The following ZNF35 variants were observed in gnomAD, a reference collection of about 807,000 sequenced individuals.
The protein encoded by ZNF35 is zinc finger protein 35 (clone HF.10).
A neutral mutation model predicts 45.9 loss-of-function variants in ZNF35; 31 were observed. The observed-to-expected ratio is 0.68, with a 90% CI of 0.51 to 0.91. The LOEUF (loss-of-function observed/expected upper bound fraction) is 0.91, where lower values mean the gene tolerates loss of function less well. ZNF35 is among the 40% of genes least tolerant of loss of function. The pLI is 0.00. For missense variants in ZNF35, 515 were observed against 625.4 expected, an observed-to-expected ratio of 0.82 and a Z score of 1.88; for synonymous variants, 205 against 220.2, an observed-to-expected ratio of 0.93 and a Z score of 0.61.
intron 2 of ZNF35, among the ~76,000 whole-genome samples, chr3:44,651,494 A>G (rs1378836571): frequency 6.6e-6 from 1 of 152,166 alleles, no homozygotes; most frequent in African/African-American, 2.4e-5. Flanking sequence ...AGAGCTTTTT[A>G]TAAAATCTTG....
chr3:44,650,891 G>T lies in ZNF35; in HGVS notation c.-127-50G>T. ...TGGCATCCGGCAAATTTGCTAAGTGGCATCCAGCAAATCTCTCCTTGGTGC... is the reference window on the plus strand; with the variant it reads ...TGGCATCCGGCAAATTTGCTAAGTGTCATCCAGCAAATCTCTCCTTGGTGC... On this transcript the variant is annotated intron_variant, in intron 1 of 3. Transcript: ENST00000396056. 6.6e-6 allele frequency: 4 copies of T among 603,826 alleles called. No individual in the cohort carries two copies. In the South Asian group the frequency reaches 1.0e-4, roughly 16 times the overall value. 37.4% of individuals were successfully genotyped at this position (603,826 alleles called of 1,614,324 possible).
intron 2 of ZNF35, among the ~76,000 whole-genome samples, chr3:44,651,832 C>CA (rs561807961): frequency 0.033 from 3,220 of 97,170 alleles, 47 homozygotes; most frequent in African/African-American, 0.059. Context: ...GACCCTGCCT[C>CA]AAAAAAAAAA....
rs143301932 is a variant in ZNF35 at position 44,651,187 on chromosome 3, C to T, written c.120C>T (p.Ser40=). 1,189 of 1,614,040 alleles carry T rather than the reference C, an allele frequency of 7.4e-4. 9 individuals are homozygous for T. The East Asian group carries it at 0.018, about 24-fold the overall frequency. ...AGGCATCCAGCCAACAAGTGCACTCCGAGAACATCAAAGTCTGGGCCCCAG... is the reference window on the plus strand; with the variant it reads ...AGGCATCCAGCCAACAAGTGCACTCTGAGAACATCAAAGTCTGGGCCCCAG... ...PGQASSQQVH[S]ENIKVWAPVQ... Residue 40 remains serine (S), a synonymous_variant, in exon 2 of 4, where the codon TCC becomes TCT. Coordinates refer to ENST00000396056, the MANE Select transcript of ZNF35 (RefSeq NM_003420.4).
Position 44,659,663 on chromosome 3 carries a change from A to C in ZNF35, c.1300A>C (p.Ile434Leu), listed in dbSNP as rs200957886. The C allele has an allele frequency of 8.1e-6, 13 of 1,614,176 alleles. No homozygotes were observed. The Admixed American group carries it at 2.0e-4, about 25-fold the overall frequency. Reference sequence around the variant, plus strand: ...AGCCTTCAGTCAGCTCTCTTGCCTTATTGTCCACCAGAGAATTCACAGTGG... The same window carrying C: ...AGCCTTCAGTCAGCTCTCTTGCCTTCTTGTCCACCAGAGAATTCACAGTGG... ...GKAFSQLSCL[I>L]VHQRIHSGDL... Residue 434 changes from isoleucine (I) to leucine (L), a missense_variant, in exon 4 of 4, where the codon ATT becomes CTT. Ile to Leu is a conservative substitution (Grantham distance 5, BLOSUM62 2). Around this residue, in one of 3 missense-constraint regions of ZNF35, gnomAD observed 232 missense variants for 304.6 expected, o/e 0.76. Coordinates refer to ENST00000396056, the MANE Select transcript of ZNF35 (RefSeq NM_003420.4). The surrounding 1 kb of genome is among the most constrained non-coding windows in gnomAD (Gnocchi z 4.3).
At chr3:44,652,892 A>G (rs937216033) in intron 3 of ZNF35, among the ~76,000 whole-genome samples, 191 bp downstream of exon 3, 1 of 152,230 alleles carries the variant, frequency 6.6e-6, no homozygotes. Flanking sequence ...TTTTGCACAC[A>G]GGCTCAAGAC....
chr3:44,659,360 T>C lies in ZNF35; in HGVS notation c.997T>C (p.Cys333Arg). ...RHQKVHITEK[C>R]YECNECGKTF... ...CCAGAAAGTCCACATTACGGAAAAA[T>C]GCTATGAATGTAATGAATGTGGGAA... The change falls in exon 4 of 4, where the codon TGC becomes CGC. Residue 333 changes from cysteine (C) to arginine (R), a missense_variant. Cys to Arg is a radical substitution (Grantham distance 180). Transcript: ENST00000396056. This position sits in a 1 kb window ranked among gnomAD's most constrained non-coding sequence, Gnocchi z 4.3. 6.2e-7 allele frequency: 1 copy of C among 1,613,972 alleles called. No homozygotes were observed.
upstream of ZNF35, chr3:44,647,669 GAATT>G (rs937675349): frequency 2.0e-5 from 3 of 152,152 alleles, no homozygotes; most frequent in East Asian, 5.8e-4. Flanking sequence ...AATTTCAAGG[GAATT>G]AATGCTGAGT....
chr3:44,652,199 G>A (rs563718829), intron 2 of ZNF35, among the ~76,000 whole-genome samples: 1 of 152,234 alleles, frequency 6.6e-6, no homozygotes, highest in Non-Finnish European at 1.5e-5. Context: ...TTCCCCCAGA[G>A]CCTTTCTGTA....
chr3:44,658,771 C>T lies in ZNF35; in HGVS notation c.408C>T (p.Leu136=), dbSNP rs1559485000. The change falls in exon 4 of 4, where the codon CTC becomes CTT. Residue 136 remains leucine (L), a synonymous_variant. Coordinates refer to ENST00000396056, the MANE Select transcript of ZNF35 (RefSeq NM_003420.4). ...TEICEEAEKP[L]IISERIQKAD... ...TATGTGAGGAAGCTGAAAAACCCCT[C>T]ATCATATCAGAAAGAATCCAGAAAG... The T allele has an allele frequency of 1.2e-6, 2 of 1,604,294 alleles. No individual in the cohort carries two copies. The highest frequency in any genetic ancestry group is 1.7e-6 in the Non-Finnish European group (2 of 1,177,836).
Position 44,658,680 on chromosome 3 carries a change from AT to A in ZNF35, c.338-17del, listed in dbSNP as rs761800795. 1.0e-5 allele frequency: 16 copies of A among 1,538,456 alleles called. No individual in the cohort carries two copies. Among genetic ancestry groups the A allele is most frequent in the African/African-American group, 1.4e-5 (1 of 71,896 alleles). On this transcript the variant is annotated intron_variant, in intron 3 of 3. Transcript: ENST00000396056. ...TAGGCCAGAGAAAGCTAACATTTGT[AT>A]TTTCTGTTTCTTGGTTCAGGTGCTG...
At chr3:44,658,564 G>T in intron 3 of ZNF35, 137 bp from the exon 4 acceptor site, 2 of 898,890 alleles carry the variant, frequency 2.2e-6, no homozygotes, top group Non-Finnish European at 3.4e-6. Context: ...GAGGTAACAT[G>T]TGATGGGATT....
chr3:44,655,007 G>A (rs1703272367), intron 3 of ZNF35, among the ~76,000 whole-genome samples: 2 of 152,040 alleles, frequency 1.3e-5, no homozygotes, highest in Non-Finnish European at 2.9e-5. Flanking sequence ...GGTGGTGCGT[G>A]CCTATAGTCC....
chr3:44,653,484 C>T (rs760879782), intron 3 of ZNF35, among the ~76,000 whole-genome samples: 8 of 152,114 alleles, frequency 5.3e-5, no homozygotes, highest in Non-Finnish European at 1.0e-4. Flanking sequence ...CCTTTTTATA[C>T]GCTTTGTAGT....
Position 44,652,616 on chromosome 3 carries a change from T to C in ZNF35, c.252T>C (p.Ala84=), listed in dbSNP as rs1385309535. The part of the protein sequence containing the change: ...VVLKATQEAP[A]ASTLGSYSLP... Reference sequence around the variant, plus strand: ...TGAAAGCAACTCAGGAGGCACCTGCTGCTTCAACCCTTGGCAGCTACTCAT... The same window carrying C: ...TGAAAGCAACTCAGGAGGCACCTGCCGCTTCAACCCTTGGCAGCTACTCAT... The change falls in exon 3 of 4, where the codon GCT becomes GCC. Residue 84 remains alanine (A), a synonymous_variant. Coordinates refer to ENST00000396056, the MANE Select transcript of ZNF35 (RefSeq NM_003420.4). 1 of 1,611,224 alleles carries C rather than the reference T, an allele frequency of 6.2e-7. No individual in the cohort carries two copies. The highest frequency in any genetic ancestry group is 1.3e-5 in the African/African-American group (1 of 74,978).
Position 44,653,369 on chromosome 3 carries a change from G to A in ZNF35, c.337+668G>A, listed in dbSNP as rs547948544. 2.6e-5 allele frequency among the ~76,000 whole-genome samples: 4 copies of A among 152,260 alleles called. No homozygotes were observed. The South Asian group carries it at 8.3e-4, about 32-fold the overall frequency. ...ATTCTCAGGGTATGCTTAAGTTGTT[G>A]CCATCAGGTGTATTTACCATACAAT... On this transcript the variant is annotated intron_variant, in intron 3 of 3. Transcript: ENST00000396056.
chr3:44,650,207 C>T (rs183816742), intron 1 of ZNF35, among the ~76,000 whole-genome samples: 2 of 152,000 alleles, frequency 1.3e-5, no homozygotes, highest in African/African-American at 4.8e-5. Context: ...TTAAAATAAG[C>T]ATGAAGAATG....
Position 44,659,089 on chromosome 3 carries a change from A to C in ZNF35, c.726A>C (p.Arg242=). Reference sequence around the variant, plus strand: ...GTGCAAACCTCGTTGTGCATCAGCGAATCCACACTGGAGAGAAACCCTTTG... The same window carrying C: ...GTGCAAACCTCGTTGTGCATCAGCGCATCCACACTGGAGAGAAACCCTTTG... ...SQSANLVVHQ[R]IHTGEKPFEC... The change falls in exon 4 of 4, where the codon CGA becomes CGC. Residue 242 remains arginine (R), a synonymous_variant. Transcript: ENST00000396056. This position sits in a 1 kb window ranked among gnomAD's most constrained non-coding sequence, Gnocchi z 4.3. 6.2e-7 allele frequency: 1 copy of C among 1,614,176 alleles called. No individual in the cohort carries two copies. Among genetic ancestry groups the C allele is most frequent in the Non-Finnish European group, 8.5e-7 (1 of 1,180,026 alleles).
chr3:44,652,814 A>C (rs973374798), intron 3 of ZNF35, 113 bp downstream of exon 3: 11 of 1,154,894 alleles, frequency 9.5e-6, no homozygotes, highest in Non-Finnish European at 1.2e-5. Flanking sequence ...TGAGGTATTG[A>C]AAGTGTCCAG....
At chr3:44,651,656 G>A (rs775955960) in intron 2 of ZNF35, among the ~76,000 whole-genome samples, 37 of 151,964 alleles carry the variant, frequency 2.4e-4, no homozygotes, top group Non-Finnish European at 4.4e-4. Context: ...TGCACACCTC[G>A]TGTTTTGCAA....
Sources: gnomAD v4.1 joint callset for allele counts (sites outside exome capture counted in the v4.1 genomes callset) on GRCh38, gnomAD v4.1.1 for gene constraint, gnomAD v4.1.1 regional missense constraint, Gnocchi (gnomAD v3.1) non-coding constraint, MANE v1.5 for transcripts, NCBI Gene and HGNC (gene_info 2026-07-23, HGNC 2026-07-21) for gene names.